The following AUH variants were observed in gnomAD, a reference collection of about 807,000 sequenced individuals.
The protein encoded by AUH is methylglutaconyl-CoA hydratase, mitochondrial.
In AUH, 29 loss-of-function variants were observed where a neutral mutation model predicts 42.3. That is an observed-to-expected ratio of 0.69 (90% CI 0.51 to 0.93). The LOEUF is 0.93. AUH is among the 40% of genes least tolerant of loss of function. AUH has a pLI of 0.00. For missense variants in AUH, 452 were observed against 438.1 expected, an observed-to-expected ratio of 1.03 and a Z score of -0.28; for synonymous variants, 174 against 166.4, an observed-to-expected ratio of 1.05 and a Z score of -0.35.
At chr9:91,262,812 GT>G (rs1386179161) in intron 6 of AUH, among the ~76,000 whole-genome samples, 2 of 152,162 alleles carry the variant, frequency 1.3e-5, no homozygotes. Flanking sequence ...CCAGCTGCCT[GT>G]TTTGTGAATA....
chr9:91,352,500 T>C (rs1055939004), intron 3 of AUH, among the ~76,000 whole-genome samples: 3 of 152,118 alleles, frequency 2.0e-5, no homozygotes, highest in African/African-American at 7.2e-5. Context: ...TTCATACATT[T>C]TGACCTACCA....
intron 7 of AUH, 43 bp from the exon 8 acceptor site, chr9:91,217,370 G>A (rs767247333): frequency 6.3e-7 from 1 of 1,576,044 alleles, no homozygotes; most frequent in Non-Finnish European, 8.7e-7. Flanking sequence ...TATTTTTTAT[G>A]CAAATTATGT....
At chr9:91,361,549 G>A in intron 1 of AUH, 79 bp downstream of exon 1, 2 of 1,518,352 alleles carry the variant, frequency 1.3e-6, no homozygotes, top group African/African-American at 1.4e-5. Flanking sequence ...CGTCCTGCCG[G>A]CGGACGCTGC....
intron 4 of AUH, among the ~76,000 whole-genome samples, chr9:91,302,928 A>G (rs890389451): frequency 6.6e-6 from 1 of 152,244 alleles, no homozygotes; most frequent in African/African-American, 2.4e-5. Context: ...CCAACGAGCA[A>G]TGGCTATTCC....
At chr9:91,347,256 G>A (rs953580237) in intron 3 of AUH, among the ~76,000 whole-genome samples, 2 of 148,366 alleles carry the variant, frequency 1.3e-5, no homozygotes, top group East Asian at 4.2e-4. Context: ...GTAGAGATGG[G>A]GTTTTGCCAT....
intron 3 of AUH, among the ~76,000 whole-genome samples, chr9:91,345,862 A>G (rs1831467891): frequency 6.6e-6 from 1 of 151,274 alleles, no homozygotes; most frequent in Admixed American, 6.6e-5. Context: ...TACCCAGAGA[A>G]CCCTGACATA....
chr9:91,268,256 A>G (rs976329651), intron 6 of AUH, among the ~76,000 whole-genome samples: 2 of 152,230 alleles, frequency 1.3e-5, no homozygotes, highest in African/African-American at 4.8e-5. Context: ...GCAGTATTCC[A>G]TAGGTCTTCT....
intron 6 of AUH, among the ~76,000 whole-genome samples, chr9:91,261,564 C>A (rs981327156): frequency 2.0e-5 from 3 of 152,178 alleles, no homozygotes; most frequent in African/African-American, 7.2e-5. Context: ...AATCACCAAC[C>A]AACTCAAGGT....
chr9:91,269,923 C>T (rs78181783), intron 6 of AUH, among the ~76,000 whole-genome samples: 14,923 of 152,168 alleles, frequency 0.098, 752 homozygotes, highest in Middle Eastern at 0.12. Context: ...AACCTAACTA[C>T]AAAGAGAAAC....
At chr9:91,266,536 C>G (rs956374478) in intron 6 of AUH, among the ~76,000 whole-genome samples, 10 of 152,036 alleles carry the variant, frequency 6.6e-5, no homozygotes, top group African/African-American at 2.4e-4. Context: ...AATAATAAAC[C>G]CTGAGCAAAG....
At position 91,242,488 on chromosome 9, in the gene AUH, A is replaced by G. The variant is rs1330214565; in HGVS notation, c.656-21496T>C. On this transcript the variant is annotated intron_variant, in intron 6 of 9. Coordinates refer to ENST00000375731, the MANE Select transcript of AUH (RefSeq NM_001698.3). ...GTGAACCACTTATCTTGAAAAAATA[A>G]TAGAGGAGGAAAAGTGTGGAGAGAA... Among the ~76,000 whole-genome samples, 5 of 152,234 alleles carry G rather than the reference A, an allele frequency of 3.3e-5. No individual in the cohort carries two copies. The East Asian group carries it at 9.6e-4, about 29-fold the overall frequency.
chr9:91,232,925 A>T (rs1440989261), intron 6 of AUH, among the ~76,000 whole-genome samples: 1 of 152,222 alleles, frequency 6.6e-6, no homozygotes, highest in Non-Finnish European at 1.5e-5. Context: ...CAAGTAAGTA[A>T]TTGCAATCAT....
At chr9:91,214,490 C>G (rs1826712057) in intron 9 of AUH, 65 bp from the exon 10 acceptor site, 3 of 1,379,694 alleles carry the variant, frequency 2.2e-6, no homozygotes, top group Non-Finnish European at 3.0e-6. Flanking sequence ...TTATCAAGCA[C>G]TATCTAAGAA....
chr9:91,231,959 C>T (rs1199293761), intron 6 of AUH, among the ~76,000 whole-genome samples: 1 of 152,180 alleles, frequency 6.6e-6, no homozygotes, highest in African/African-American at 2.4e-5. Context: ...GATCTCACAG[C>T]GACCACAGTT....
intron 4 of AUH, among the ~76,000 whole-genome samples, chr9:91,298,395 C>A (rs1827517473): frequency 6.6e-6 from 1 of 152,182 alleles, no homozygotes; most frequent in South Asian, 2.1e-4. Flanking sequence ...AGCCAGAAGT[C>A]TTTCACAAGA....
chr9:91,266,163 C>A (rs1829966311), intron 6 of AUH, among the ~76,000 whole-genome samples: 1 of 151,836 alleles, frequency 6.6e-6, no homozygotes, highest in African/African-American at 2.4e-5. Flanking sequence ...AAGTTTGAGA[C>A]CAGCCTGGCC....
intron 4 of AUH, among the ~76,000 whole-genome samples, chr9:91,311,115 A>G (rs1440903228): frequency 6.6e-6 from 1 of 152,234 alleles, no homozygotes; most frequent in East Asian, 1.9e-4. Context: ...TTATACAAAG[A>G]TATTCTTTGT....
chr9:91,288,967 C>T (rs1176444089), intron 6 of AUH, among the ~76,000 whole-genome samples: 3 of 152,004 alleles, frequency 2.0e-5, no homozygotes, highest in African/African-American at 7.3e-5. Context: ...CAGGTCAAAG[C>T]TCAGGTAAAG....
At chr9:91,330,768 C>A (rs947135066) in intron 3 of AUH, among the ~76,000 whole-genome samples, 1 of 152,148 alleles carries the variant, frequency 6.6e-6, no homozygotes, top group African/African-American at 2.4e-5. Context: ...ATGGTACAGG[C>A]TGAATCCTGC....
Sources: allele counts gnomAD v4.1 joint callset (sites outside exome capture counted in the v4.1 genomes callset), GRCh38; gene constraint gnomAD v4.1.1; transcripts MANE v1.5; gene names NCBI Gene and HGNC (gene_info 2026-07-23, HGNC 2026-07-21).